Variants in CFAP97D2 observed in about 807,000 individuals in gnomAD.
CFAP97D2 encodes CFAP97 domain containing 2.
rs191811919 is a variant in CFAP97D2, at chr13:114,189,682, G to T, written c.91-6714G>T. Among the ~76,000 whole-genome samples, 57 of 152,212 alleles carry T rather than the reference G, an allele frequency of 3.7e-4. No individual in the cohort carries two copies. Among genetic ancestry groups the T allele is most frequent in the Non-Finnish European group, 5.6e-4 (38 of 68,022 alleles). On this transcript the variant is annotated intron_variant, in intron 1 of 4. Coordinates refer to ENST00000646158, the Ensembl canonical transcript of CFAP97D2. The surrounding 1 kb of genome is among the most constrained non-coding windows in gnomAD (Gnocchi z 4.5). ...GCTGGCTCATCATTCAAAAATCAAT[G>T]TAATTAATCACATCAATGGGCTAAA...
At chr13:114,180,144 C>T (rs1005779363) in intron 1 of CFAP97D2, among the ~76,000 whole-genome samples, 3 of 152,220 alleles carry the variant, frequency 2.0e-5, no homozygotes, top group African/African-American at 4.8e-5. Context: ...CGTCAGAGAA[C>T]GATGTTCCAT....
intron 1 of CFAP97D2, among the ~76,000 whole-genome samples, chr13:114,195,554 A>C (rs551909217): frequency 6.6e-6 from 1 of 152,322 alleles, no homozygotes; most frequent in East Asian, 1.9e-4. Context: ...GAATGTCTAG[A>C]ATATGCGGGG....
At chr13:114,205,344 C>G (rs1182524989) in intron 3 of CFAP97D2, among the ~76,000 whole-genome samples, 1 of 152,078 alleles carries the variant, frequency 6.6e-6, no homozygotes, top group African/African-American at 2.4e-5. Flanking sequence ...AGTATATAAC[C>G]AAGAGAAATG....
intron 2 of CFAP97D2, among the ~76,000 whole-genome samples, chr13:114,198,334 G>A (rs1594516758): frequency 1.3e-5 from 2 of 152,200 alleles, no homozygotes; most frequent in East Asian, 3.8e-4. Context: ...TGTTAAAATG[G>A]GCTGAACTGA....
intron 4 of CFAP97D2, among the ~76,000 whole-genome samples, chr13:114,218,743 C>T (rs1475401307): frequency 1.3e-5 from 2 of 152,202 alleles, no homozygotes; most frequent in African/African-American, 4.8e-5. Context: ...ACCATTTGAT[C>T]TTTGACAAAC....
At chr13:114,182,136 G>A (rs2080835501) in intron 1 of CFAP97D2, among the ~76,000 whole-genome samples, 1 of 147,176 alleles carries the variant, frequency 6.8e-6, no homozygotes, top group Admixed American at 6.7e-5. Context: ...AGTAGTAGGA[G>A]AGCAGGGTGA....
rs2080886311 is a variant in CFAP97D2, at chr13:114,196,156, C to A, written c.91-240C>A. ...ACCAGGTGTTGGCATTTAACAAATT[C>A]TCACCCTGCACCCACTTAATTCTGT... On this transcript the variant is annotated intron_variant, in intron 1 of 4. Transcript: ENST00000646158. Among the ~76,000 whole-genome samples the A allele has an allele frequency of 2.7e-5, 4 of 150,848 alleles. No individual in the cohort carries two copies. In the South Asian group the frequency reaches 8.4e-4, roughly 32 times the overall value.
intron 4 of CFAP97D2, among the ~76,000 whole-genome samples, chr13:114,219,772 C>T (rs2081012000): frequency 2.0e-5 from 3 of 152,332 alleles, no homozygotes; most frequent in South Asian, 2.1e-4. Context: ...TGTCTCTGAA[C>T]CTCAAGCTGG....
At chr13:114,216,616 G>C (rs955076988) in intron 4 of CFAP97D2, among the ~76,000 whole-genome samples, 1 of 152,172 alleles carries the variant, frequency 6.6e-6, no homozygotes, top group Non-Finnish European at 1.5e-5. Context: ...CAAAGGACAT[G>C]AACTCATCCT....
chr13:114,215,998 A>G (rs2080991821), intron 4 of CFAP97D2, among the ~76,000 whole-genome samples: 1 of 152,142 alleles, frequency 6.6e-6, no homozygotes, highest in African/African-American at 2.4e-5. Context: ...AGATTTAACA[A>G]TCCCGCACAT....
intron 3 of CFAP97D2, among the ~76,000 whole-genome samples, chr13:114,206,104 C>CTT (rs57411812): frequency 1.4e-5 from 2 of 138,018 alleles, no homozygotes; most frequent in Non-Finnish European, 3.1e-5. Flanking sequence ...TTTTCTTTTC[C>CTT]TTTTTTTTTT....
intron 1 of CFAP97D2, among the ~76,000 whole-genome samples, chr13:114,193,852 G>C (rs2138758919): frequency 6.6e-6 from 1 of 152,292 alleles, no homozygotes; most frequent in Admixed American, 6.5e-5. Flanking sequence ...GGCTGCTCTT[G>C]AACTCCTGAC....
intron 3 of CFAP97D2, among the ~76,000 whole-genome samples, chr13:114,206,599 C>T (rs1218823192): frequency 6.6e-6 from 1 of 152,128 alleles, no homozygotes; most frequent in Non-Finnish European, 1.5e-5. Flanking sequence ...TAGACGATTC[C>T]ACGTATATGA....
In CFAP97D2 at chr13:114,187,052, A is replaced by G. The variant is rs2080855112; in HGVS notation, c.90+7632A>G. ...TAAGGAACAGGAGAGAGGTATTCAG[A>G]TTATTTTGTAATATAAGTTACTCAC... On this transcript the variant is annotated intron_variant, in intron 1 of 4. Coordinates refer to ENST00000646158, the Ensembl canonical transcript of CFAP97D2. This position sits in a 1 kb window ranked among gnomAD's most constrained non-coding sequence, Gnocchi z 4.2. Among the ~76,000 whole-genome samples, 2 of 152,236 alleles carry G rather than the reference A, an allele frequency of 1.3e-5. No individual in the cohort carries two copies. The highest frequency in any genetic ancestry group is 4.1e-4 in the South Asian group (2 of 4,826).
Position 114,193,401 on chromosome 13 carries a change from T to C in CFAP97D2, c.91-2995T>C, listed in dbSNP as rs147978423. On this transcript the variant is annotated intron_variant, in intron 1 of 4. Transcript: ENST00000646158. ...GTAATTTATAAAGAACAGAATTTTA[T>C]TTCTCACAGTTCCAGAGACTGGGAA... is the stretch of plus-strand genomic sequence containing the variant. Among the ~76,000 whole-genome samples, 6 of 152,324 alleles carry C rather than the reference T, an allele frequency of 3.9e-5. No homozygotes were observed. The East Asian group carries it at 1.2e-3, about 29-fold the overall frequency.
At chr13:114,183,685 T>C (rs1251063291) in intron 1 of CFAP97D2, among the ~76,000 whole-genome samples, 1 of 152,130 alleles carries the variant, frequency 6.6e-6, no homozygotes, top group African/African-American at 2.4e-5. Flanking sequence ...GGCAGCTCTC[T>C]AAAGCCTCTT....
Position 114,187,914 on chromosome 13 carries a change from C to G in CFAP97D2, c.91-8482C>G, listed in dbSNP as rs761313296. Among the ~76,000 whole-genome samples, 3 of 152,060 alleles carry G rather than the reference C, an allele frequency of 2.0e-5. No homozygotes were observed. The highest frequency in any genetic ancestry group is 1.5e-5 in the Non-Finnish European group (1 of 68,010). On this transcript the variant is annotated intron_variant, in intron 1 of 4. Coordinates refer to ENST00000646158, the Ensembl canonical transcript of CFAP97D2. This position sits in a 1 kb window ranked among gnomAD's most constrained non-coding sequence, Gnocchi z 4.2. ...AAATAATACAATATCTACTCTTAGA[C>G]CACAATGGAATTAAACTAGAAGTCA...
chr13:114,180,216 G>T (rs2080827432), intron 1 of CFAP97D2, among the ~76,000 whole-genome samples: 1 of 152,296 alleles, frequency 6.6e-6, no homozygotes, highest in African/African-American at 2.4e-5. Context: ...GAGAAGTTTG[G>T]GTTTCTGTTT....
In CFAP97D2 at chr13:114,186,840, C is replaced by T. The variant is rs1045213278; in HGVS notation, c.90+7420C>T. 2.6e-5 allele frequency among the ~76,000 whole-genome samples: 4 copies of T among 152,350 alleles called. No individual in the cohort carries two copies. Among genetic ancestry groups the T allele is most frequent in the African/African-American group, 9.6e-5 (4 of 41,588 alleles). On this transcript the variant is annotated intron_variant, in intron 1 of 4. Transcript: ENST00000646158. This position sits in a 1 kb window ranked among gnomAD's most constrained non-coding sequence, Gnocchi z 4.3. Reference sequence around the variant, plus strand: ...GACCCCACACTCACTCACTCACACACCCCTCGCCACTCCACTCCAGTCTCT... The same window carrying T: ...GACCCCACACTCACTCACTCACACATCCCTCGCCACTCCACTCCAGTCTCT...
Sources: allele counts gnomAD v4.1 joint callset (sites outside exome capture counted in the v4.1 genomes callset), GRCh38; gene constraint gnomAD v4.1.1; non-coding constraint Gnocchi (gnomAD v3.1); transcripts MANE v1.5; gene names NCBI Gene and HGNC (gene_info 2026-07-23, HGNC 2026-07-21).